The following DCST1 variants were observed in gnomAD, a reference collection of about 807,000 sequenced individuals.
DCST1 encodes DC-STAMP domain containing 1, also known as E3 ubiquitin-protein ligase DCST1.
A neutral mutation model predicts 89.1 loss-of-function variants in DCST1; 78 were observed. The ratio of observed to expected loss-of-function variants is 0.88; its 90% CI spans 0.73 to 1.06. DCST1 has a LOEUF of 1.06. Among genes scored for constraint, DCST1 ranks in the 50% least tolerant of loss-of-function variants. The probability of loss-of-function intolerance (pLI) is 0.00; values close to 1 mark genes in which losing one functional copy is unlikely to be tolerated. For synonymous variants in DCST1, 364 were observed against 371.9 expected (o/e 0.98, Z 0.24); for missense variants, 900 against 928.6 (o/e 0.97, Z 0.40).
intron 5 of DCST1, 111 bp from the exon 6 acceptor site, chr1:155,040,374 C>G: frequency 8.4e-7 from 1 of 1,191,648 alleles, no homozygotes; most frequent in Non-Finnish European, 1.1e-6. Flanking sequence ...GCTCTCGGCC[C>G]CACCACTGTA....
intron 4 of DCST1, 73 bp from the exon 5 acceptor site, chr1:155,039,330 G>A (rs774576738): frequency 6.9e-7 from 1 of 1,449,632 alleles, no homozygotes; most frequent in Admixed American, 2.4e-5. Flanking sequence ...TTGCAGGTGG[G>A]TGCTCTGGTA....
intron 8 of DCST1, 65 bp downstream of exon 8, chr1:155,041,922 G>A (rs1462467329): frequency 6.9e-6 from 11 of 1,597,312 alleles, no homozygotes; most frequent in Non-Finnish European, 9.4e-6. Flanking sequence ...GGACCCACTG[G>A]TAGGTGACAG....
Position 155,041,984 on chromosome 1 carries a change from T to C in DCST1, c.892+127T>C, listed in dbSNP as rs539942453. On this transcript the variant is annotated intron_variant, in intron 8 of 16. Coordinates refer to ENST00000295542, the MANE Select transcript of DCST1 (RefSeq NM_152494.4). ...TTTGGCCCTGAGGCCACAGCATCCT[T>C]AGAGCCCTCCACCTGCTGAATAGCT... 2.7e-5 allele frequency: 35 copies of C among 1,303,068 alleles called. No homozygotes were observed. In the East Asian group the frequency reaches 8.4e-4, roughly 31 times the overall value. 80.7% of individuals were successfully genotyped at this position (1,303,068 alleles called of 1,614,324 possible).
rs1428604334 is a variant in DCST1, at chr1:155,042,814, T to A, written c.972T>A (p.Ile324=). ...CCTACGACTCCCTCAACCAGTCTATTCGTGGCCTGGATGGGGAATTTTCAG... is the reference window on the plus strand; with the variant it reads ...CCTACGACTCCCTCAACCAGTCTATACGTGGCCTGGATGGGGAATTTTCAG... The part of the protein sequence containing the change: ...GQTYDSLNQS[I]RGLDGEFSAN... Residue 324 remains isoleucine (I), a synonymous_variant, in exon 9 of 17, where the codon ATT becomes ATA. Coordinates refer to ENST00000295542, the MANE Select transcript of DCST1 (RefSeq NM_152494.4). The A allele has an allele frequency of 6.2e-7, 1 of 1,614,066 alleles. No homozygotes were observed. Among genetic ancestry groups the A allele is most frequent in the Non-Finnish European group, 8.5e-7 (1 of 1,180,040 alleles).
chr1:155,050,658 C>T lies in DCST1; in HGVS notation c.1911C>T (p.Leu637=), dbSNP rs1660901785. 1 of 1,599,952 alleles carries T rather than the reference C, an allele frequency of 6.3e-7. No individual in the cohort carries two copies. The highest frequency in any genetic ancestry group is 8.5e-7 in the Non-Finnish European group (1 of 1,176,164). The stretch of plus-strand genomic sequence containing the variant: ...ATATCCTGCACCGCGGCTGCCCGCT[C>T]CTGCGCCGCTGGCTGTGCCGGCGCT... ...LADILHRGCP[L]LRRWLCRRCV... Residue 637 remains leucine (L), a synonymous_variant, in exon 17 of 17, where the codon CTC becomes CTT. Transcript: ENST00000295542.
In DCST1 at chr1:155,046,419, G is replaced by A; in HGVS notation, c.1428G>A (p.Leu476=). Residue 476 remains leucine (L), a synonymous_variant, in exon 13 of 17, where the codon TTG becomes TTA. Transcript: ENST00000295542. ...ILLLLVVLCG[L]DWALYSIFDT... ...TGCTGCTGGTGGTGCTGTGTGGCTTGGACTGGGCTCTCTACTCCATCTTCG... is the reference window on the plus strand; with the variant it reads ...TGCTGCTGGTGGTGCTGTGTGGCTTAGACTGGGCTCTCTACTCCATCTTCG... 6.2e-7 allele frequency: 1 copy of A among 1,613,970 alleles called. No individual in the cohort carries two copies. Among genetic ancestry groups the A allele is most frequent in the Non-Finnish European group, 8.5e-7 (1 of 1,179,998 alleles).
intron 9 of DCST1, 111 bp downstream of exon 9, chr1:155,042,967 AG>A: frequency 1.8e-6 from 2 of 1,131,312 alleles, no homozygotes; most frequent in Non-Finnish European, 2.4e-6. Flanking sequence ...AGAGGTGACC[AG>A]GGGTGAGGGA....
At position 155,034,651 on chromosome 1, in the gene DCST1, A is replaced by G. The variant is rs199824527; in HGVS notation, c.188-2A>G. ...GCCTTTGGCTTGACCTTGTGCCCTT[A>G]GGTCTCTTTCAGCTCCTGGTGAACC... On this transcript the variant is annotated splice_acceptor_variant, in intron 3 of 16. Transcript: ENST00000295542. LOFTEE classifies it high-confidence loss of function. 6.2e-7 allele frequency: 1 copy of G among 1,614,212 alleles called. No individual in the cohort carries two copies. The highest frequency in any genetic ancestry group is 2.2e-5 in the East Asian group (1 of 44,882).
chr1:155,039,643 C>A, intron 5 of DCST1, 112 bp downstream of exon 5: 1 of 1,370,230 alleles, frequency 7.3e-7, no homozygotes, highest in South Asian at 1.7e-5. Flanking sequence ...CCCAGCTGCT[C>A]TAACTCACTG....
rs770373469 is a variant in DCST1, at chr1:155,041,856, G to A, written c.891G>A (p.Lys297=). Residue 297 remains lysine, a splice_region_variant and synonymous_variant, in exon 8 of 17, where the codon AAG becomes AAA. Coordinates refer to ENST00000295542, the MANE Select transcript of DCST1 (RefSeq NM_152494.4). ...MKFKFFCGIA[K]VMEVWCRNRI... is the part of the protein sequence containing the mutation. ...TCAAGTTCTTCTGTGGCATTGCCAA[G>A]GGTCTGCACAGTTGCAAAGGGGTGG... The A allele has an allele frequency of 6.2e-7, 1 of 1,614,216 alleles. No homozygotes were observed. The highest frequency in any genetic ancestry group is 8.5e-7 in the Non-Finnish European group (1 of 1,180,036).
Position 155,040,639 on chromosome 1 carries a change from C to G in DCST1, c.531+15C>G. On this transcript the variant is annotated intron_variant, in intron 6 of 16. Transcript: ENST00000295542. ...AGGACCTGCTGGTCAGGAATCTGCACAGGCAGAGCCTGGGGGGTCCCTCTC... is the reference window on the plus strand; with the variant it reads ...AGGACCTGCTGGTCAGGAATCTGCAGAGGCAGAGCCTGGGGGGTCCCTCTC... 1 of 1,553,406 alleles carries G rather than the reference C, an allele frequency of 6.4e-7. No homozygotes were observed. Among genetic ancestry groups the G allele is most frequent in the South Asian group, 1.2e-5 (1 of 84,270 alleles).
At position 155,050,800 on chromosome 1, in the gene DCST1, A is replaced by C; in HGVS notation, c.2053A>C (p.Thr685Pro). The C allele has an allele frequency of 6.2e-7, 1 of 1,611,994 alleles. No homozygotes were observed. The highest frequency in any genetic ancestry group is 1.1e-5 in the South Asian group (1 of 90,764). The change falls in exon 17 of 17, where the codon ACG becomes CCG. Residue 685 changes from threonine to proline, a missense_variant. Physicochemically the swap from Thr to Pro is conservative, Grantham distance 38. Coordinates refer to ENST00000295542, the MANE Select transcript of DCST1 (RefSeq NM_152494.4). Reference sequence around the variant, plus strand: ...CATGCGGCAGCGGTGCCCGGTCTGCACGCCCCGCGAAGAGCTCTCTTCCTC... The same window carrying C: ...CATGCGGCAGCGGTGCCCGGTCTGCCCGCCCCGCGAAGAGCTCTCTTCCTC... ...DDMRQRCPVC[T>P]PREELSSSAF...
In DCST1 at chr1:155,043,422, A is replaced by ACGTGTAC. The variant is rs746312554; in HGVS notation, c.1088_1094dup (p.Gln366ValfsTer37). The ACGTGTAC allele has an allele frequency of 5.0e-6, 8 of 1,611,454 alleles. No individual in the cohort carries two copies. In the South Asian group the frequency reaches 6.6e-5, roughly 13 times the overall value. On this transcript the variant is annotated frameshift_variant, in exon 10 of 17. Coordinates refer to ENST00000295542, the MANE Select transcript of DCST1 (RefSeq NM_152494.4). LOFTEE classifies it high-confidence loss of function. ...CGCGTGAGCACCGAGGTGCGGGACTACGTGTACCGCCAGGAGGCCCGGCTG... is the reference window on the plus strand; with the variant it reads ...CGCGTGAGCACCGAGGTGCGGGACTACGTGTACCGTGTACCGCCAGGAGGCCCGGCTG...
intron 10 of DCST1, chr1:155,045,080 G>A (rs964920274): frequency 2.6e-5 from 4 of 152,238 alleles, no homozygotes; most frequent in African/African-American, 9.7e-5. Context: ...CCACCTCTGT[G>A]AGCCTCTCCA....
intron 10 of DCST1, 27 bp downstream of exon 10, chr1:155,043,536 C>A: frequency 6.4e-7 from 1 of 1,550,850 alleles, no homozygotes; most frequent in South Asian, 1.2e-5. Flanking sequence ...ACCCCAGCAG[C>A]CCCTCCTCTG....
rs753929153 is a variant in DCST1 at position 155,040,621 on chromosome 1, G to C, written c.528G>C (p.Leu176=). 2 of 1,572,848 alleles carry C rather than the reference G, an allele frequency of 1.3e-6. No homozygotes were observed. The highest frequency in any genetic ancestry group is 1.7e-6 in the Non-Finnish European group (2 of 1,158,218). The change falls in exon 6 of 17, where the codon CTG becomes CTC. Residue 176 remains leucine, a synonymous_variant. Transcript: ENST00000295542. Reference sequence around the variant, plus strand: ...CCTTACGGGCCATGTTCAAGGACCTGCTGGTCAGGAATCTGCACAGGCAGA... The same window carrying C: ...CCTTACGGGCCATGTTCAAGGACCTCCTGGTCAGGAATCTGCACAGGCAGA... ...TAPLRAMFKD[L]LSSKELLRAE...
Position 155,045,944 on chromosome 1 carries a change from C to A in DCST1, c.1224C>A (p.Ile408=). The A allele has an allele frequency of 6.2e-7, 1 of 1,614,252 alleles. No individual in the cohort carries two copies. Among genetic ancestry groups the A allele is most frequent in the Non-Finnish European group, 8.5e-7 (1 of 1,180,058 alleles). ...SYNHDIRFDN[I]YISTYFCQID... is the part of the protein sequence containing the mutation. ...ACCATGACATTCGTTTTGACAACAT[C>A]TACATCAGTACCTACTTCTGCCAGA... Residue 408 remains isoleucine (I), a synonymous_variant, in exon 11 of 17, where the codon ATC becomes ATA. Transcript: ENST00000295542.
intron 8 of DCST1, among the ~76,000 whole-genome samples, chr1:155,042,489 C>T (rs937580850): frequency 6.6e-6 from 1 of 152,220 alleles, no homozygotes; most frequent in African/African-American, 2.4e-5. Context: ...TAAACGCTGG[C>T]TCTCCTTACT....
chr1:155,040,154 T>C (rs749778085), intron 5 of DCST1, among the ~76,000 whole-genome samples: 1 of 151,146 alleles, frequency 6.6e-6, no homozygotes, highest in Non-Finnish European at 1.5e-5. Context: ...TACCAAAAAA[T>C]TAGCCAGACA....
Sources: allele counts gnomAD v4.1 joint callset (sites outside exome capture counted in the v4.1 genomes callset), GRCh38; gene constraint gnomAD v4.1.1; transcripts MANE v1.5; gene names NCBI Gene and HGNC (gene_info 2026-07-23, HGNC 2026-07-21).